The following KHDC1 variants were observed in gnomAD, a reference collection of about 807,000 sequenced individuals.
KHDC1 encodes KH homology domain-containing protein 1.
KHDC1 carries 21 observed loss-of-function variants against 24.7 expected under a neutral mutation model. The ratio of observed to expected loss-of-function variants is 0.85; its 90% CI spans 0.60 to 1.23. KHDC1 has a LOEUF of 1.23. KHDC1 is among the 50% of genes most tolerant of loss of function. The pLI is 0.00. For synonymous variants in KHDC1, 98 were observed against 111.7 expected (o/e 0.88, Z 0.77); for missense variants, 274 against 298.5 (o/e 0.92, Z 0.61).
chr6:73,284,022 G>C (rs1767468569), intron 2 of KHDC1, among the ~76,000 whole-genome samples: 1 of 151,588 alleles, frequency 6.6e-6, no homozygotes, highest in African/African-American at 2.4e-5. Context: ...ACTCATTCCT[G>C]GGCATAGGCC....
At chr6:73,241,847 G>T (rs1766575550) in intron 4 of KHDC1, 119 bp from the exon 4 acceptor site, 4 of 1,193,968 alleles carry the variant, frequency 3.4e-6, no homozygotes, top group Admixed American at 2.4e-5. Flanking sequence ...ACCTTCCAAG[G>T]TAGCCCATTT....
intron 2 of KHDC1, among the ~76,000 whole-genome samples, chr6:73,277,536 A>T (rs1450749915): frequency 6.6e-6 from 1 of 152,182 alleles, no homozygotes; most frequent in Non-Finnish European, 1.5e-5. Context: ...AAAACACATT[A>T]TCAGTTAGTA....
chr6:73,272,117 C>CGG (rs1767190314), intron 2 of KHDC1, among the ~76,000 whole-genome samples: 1 of 151,442 alleles, frequency 6.6e-6, no homozygotes, highest in Non-Finnish European at 1.5e-5. Context: ...CCAGAAAAAA[C>CGG]TTTTGATCAT....
chr6:73,271,231 A>G (rs1767174624), intron 2 of KHDC1, among the ~76,000 whole-genome samples: 1 of 151,292 alleles, frequency 6.6e-6, no homozygotes, highest in African/African-American at 2.4e-5. Context: ...TGGGGGGGAC[A>G]GAATCTCACT....
rs115589593 is a variant in KHDC1 at position 73,246,097 on chromosome 6, A to G, written c.207-3567T>C. ...TCTTGCCATTTTTAACAAGACTTTC[A>G]CAAGAGGTCAGAAAAACCTCTTAAT... On this transcript the variant is annotated intron_variant, in intron 2 of 4. Transcript: ENST00000370384. Among the ~76,000 whole-genome samples the G allele has an allele frequency of 8.1e-4, 123 of 152,362 alleles. 1 individual carries two copies. Among genetic ancestry groups the G allele is most frequent in the African/African-American group, 3.0e-3 (123 of 41,576 alleles).
chr6:73,298,730 G>A (rs1212343811), intron 1 of KHDC1, among the ~76,000 whole-genome samples: 1 of 151,218 alleles, frequency 6.6e-6, no homozygotes, highest in Non-Finnish European at 1.5e-5. Context: ...ACTACGCCCG[G>A]CCTGTAAACT....
At chr6:73,293,081 G>A (rs1009024596) in intron 1 of KHDC1, 2 of 971,038 alleles carry the variant, frequency 2.1e-6, no homozygotes, top group African/African-American at 1.6e-5. Flanking sequence ...TGCAAGACTG[G>A]ATGCCAAGAT....
At chr6:73,275,557 C>T (rs543947985) in intron 2 of KHDC1, 1 of 167,126 alleles carries the variant, frequency 6.0e-6, no homozygotes, top group Non-Finnish European at 1.5e-5. Flanking sequence ...GGCTGGTCAC[C>T]TGGAAAAGAT....
intron 1 of KHDC1, chr6:73,292,287 A>AT: frequency 8.4e-7 from 1 of 1,190,580 alleles, no homozygotes; most frequent in African/African-American, 1.5e-5. Flanking sequence ...TCAACCAGGG[A>AT]TGGTAGGATG....
chr6:73,305,164 G>A (rs927998270), intron 1 of KHDC1, among the ~76,000 whole-genome samples: 12 of 151,952 alleles, frequency 7.9e-5, no homozygotes, highest in African/African-American at 2.9e-4. Flanking sequence ...CTTGAACCTG[G>A]GAAGCAGAGG....
chr6:73,292,125 T>A, intron 1 of KHDC1: 4 of 1,586,924 alleles, frequency 2.5e-6, no homozygotes, highest in Non-Finnish European at 3.5e-6. Flanking sequence ...GACTTTGCTA[T>A]GGATGCATAC....
chr6:73,243,727 T>C (rs1766616585), intron 2 of KHDC1, among the ~76,000 whole-genome samples: 1 of 152,226 alleles, frequency 6.6e-6, no homozygotes, highest in Non-Finnish European at 1.5e-5. Flanking sequence ...CTTTTAACCT[T>C]GCCACAAAAC....
At chr6:73,284,206 G>A (rs1767474180) in intron 2 of KHDC1, among the ~76,000 whole-genome samples, 1 of 152,128 alleles carries the variant, frequency 6.6e-6, no homozygotes, top group African/African-American at 2.4e-5. Context: ...CAAAATGTAG[G>A]CATAGTTTTT....
chr6:73,291,344 G>T (rs139574631), intron 2 of KHDC1: 1 of 207,006 alleles, frequency 4.8e-6, no homozygotes, highest in Non-Finnish European at 9.9e-6. Context: ...AAGAAAACAC[G>T]AACAGCTGAA....
intron 2 of KHDC1, among the ~76,000 whole-genome samples, chr6:73,273,221 G>A (rs1767214732): frequency 1.3e-5 from 2 of 151,294 alleles, no homozygotes; most frequent in Admixed American, 6.6e-5. Context: ...AGGCTGGAGT[G>A]CAATGGCGTG....
At chr6:73,249,682 G>A (rs548185234) in intron 2 of KHDC1, among the ~76,000 whole-genome samples, 2 of 152,134 alleles carry the variant, frequency 1.3e-5, no homozygotes, top group South Asian at 2.1e-4. Context: ...ACAGAAAGAC[G>A]GACACATCTG....
rs1767013735 is a variant in KHDC1 at position 73,263,070 on chromosome 6, AGCGGCG to A, written c.207-20546_207-20541del. On this transcript the variant is annotated intron_variant, in intron 2 of 4. Coordinates refer to ENST00000370384, the Ensembl canonical transcript of KHDC1. ...CGGCGGCGGCGGCGGCGGCGGCGGC[AGCGGCG>A]GCAGCGGCTGCAGGCCTGGCCGATT... 8.7e-5 allele frequency: 9 copies of A among 103,082 alleles called. No individual in the cohort carries two copies. The South Asian group carries it at 1.6e-3, about 18-fold the overall frequency. 6.4% of individuals were successfully genotyped at this position (103,082 alleles called of 1,614,324 possible).
At chr6:73,291,075 G>C in intron 2 of KHDC1, 1 of 436,958 alleles carries the variant, frequency 2.3e-6, no homozygotes, top group South Asian at 1.8e-5. Context: ...AAAGTGAATG[G>C]ACTGCTGTAG....
chr6:73,263,421 G>A, intron 2 of KHDC1: 1 of 380,982 alleles, frequency 2.6e-6, no homozygotes, highest in Non-Finnish European at 3.6e-6. Flanking sequence ...TGCTTGGTGA[G>A]TGGCCTCCAG....
Sources: gnomAD v4.1 joint callset for allele counts (sites outside exome capture counted in the v4.1 genomes callset) on GRCh38, gnomAD v4.1.1 for gene constraint, MANE v1.5 for transcripts, NCBI Gene and HGNC (gene_info 2026-07-23, HGNC 2026-07-21) for gene names.